The following MAGI3 variants were observed in gnomAD, a reference collection of about 807,000 sequenced individuals.
MAGI3 encodes membrane associated guanylate kinase, WW and PDZ domain containing 3, also known as membrane-associated guanylate kinase, WW and PDZ domain-containing protein 3.
In MAGI3, 43 loss-of-function variants were observed where a neutral mutation model predicts 121.8. The observed-to-expected ratio is 0.35, with a 90% CI of 0.28 to 0.46. The LOEUF is 0.46. Among genes scored for constraint, MAGI3 ranks in the 20% least tolerant of loss-of-function variants. The pLI, the probability that MAGI3 is intolerant of heterozygous loss-of-function variation, is 1.00. For missense variants in MAGI3, 1,547 were observed against 1,797.3 expected, an observed-to-expected ratio of 0.86 and a Z score of 2.52; for synonymous variants, 553 against 639.3, an observed-to-expected ratio of 0.86 and a Z score of 2.04.
intron 1 of MAGI3, among the ~76,000 whole-genome samples, chr1:113,531,414 G>A (rs1396917031): frequency 1.3e-5 from 2 of 151,992 alleles, no homozygotes; most frequent in East Asian, 3.9e-4. Flanking sequence ...CCTTGTTGTG[G>A]GCCTCAAGGG....
intron 1 of MAGI3, among the ~76,000 whole-genome samples, chr1:113,496,587 TTATC>T (rs1317216705): frequency 6.6e-6 from 1 of 152,248 alleles, no homozygotes; most frequent in Admixed American, 6.5e-5. Flanking sequence ...TCTTGTTTGT[TTATC>T]TGTTTATTGA....
chr1:113,670,003 CAAAAAAA>C (rs11302295), intron 16 of MAGI3, among the ~76,000 whole-genome samples: 1 of 85,240 alleles, frequency 1.2e-5, no homozygotes. Flanking sequence ...TCCAGGTCTC[CAAAAAAA>C]AAAAAAAAAA....
chr1:113,496,299 AATC>A (rs1284322858), intron 1 of MAGI3, among the ~76,000 whole-genome samples: 1 of 152,168 alleles, frequency 6.6e-6, no homozygotes, highest in African/African-American at 2.4e-5. Context: ...ATATAAATAG[AATC>A]ATCATGTGTT....
intron 1 of MAGI3, among the ~76,000 whole-genome samples, chr1:113,530,843 G>C (rs1391718940): frequency 1.3e-5 from 2 of 151,942 alleles, no homozygotes; most frequent in Non-Finnish European, 2.9e-5. Flanking sequence ...TTGAGCCTAG[G>C]GGGTCGAGGC....
chr1:113,424,520 A>C (rs1216056843), intron 1 of MAGI3, among the ~76,000 whole-genome samples: 1 of 152,302 alleles, frequency 6.6e-6, no homozygotes, highest in Non-Finnish European at 1.5e-5. Context: ...TTCTATTTCT[A>C]TAATTTTGTC....
intron 1 of MAGI3, among the ~76,000 whole-genome samples, chr1:113,439,086 C>T (rs1344824709): frequency 6.6e-6 from 1 of 152,068 alleles, no homozygotes; most frequent in Admixed American, 6.5e-5. Context: ...ACTGTGATAC[C>T]GTGACAGTTT....
intron 9 of MAGI3, among the ~76,000 whole-genome samples, chr1:113,634,581 T>C (rs1246115661): frequency 5.3e-5 from 8 of 152,200 alleles, no homozygotes; most frequent in East Asian, 1.9e-4. Flanking sequence ...TCTGTTCTGT[T>C]CCATTGATCT....
intron 2 of MAGI3, among the ~76,000 whole-genome samples, chr1:113,558,189 T>G (rs1207665498): frequency 6.6e-6 from 1 of 152,142 alleles, no homozygotes; most frequent in Non-Finnish European, 1.5e-5. Context: ...TCCAGCAAGG[T>G]CTCAGAACCA....
At chr1:113,427,659 T>C (rs1653079947) in intron 1 of MAGI3, among the ~76,000 whole-genome samples, 1 of 152,350 alleles carries the variant, frequency 6.6e-6, no homozygotes, top group Non-Finnish European at 1.5e-5. Context: ...TTCTTTTGGC[T>C]GTCTCTTGCA....
intron 1 of MAGI3, among the ~76,000 whole-genome samples, chr1:113,419,260 G>T (rs1490505676): frequency 6.6e-6 from 1 of 152,110 alleles, no homozygotes; most frequent in Non-Finnish European, 1.5e-5. Context: ...TCTCAATTGA[G>T]AAGTCATTTA....
intron 1 of MAGI3, among the ~76,000 whole-genome samples, chr1:113,538,330 G>GTTATTATGT (rs1659100303): frequency 2.6e-5 from 4 of 152,144 alleles, no homozygotes. Context: ...ACTAAACCCA[G>GTTATTATGT]TTATTATGTT....
chr1:113,510,148 C>T (rs538732892), intron 1 of MAGI3, among the ~76,000 whole-genome samples: 30 of 151,936 alleles, frequency 2.0e-4, no homozygotes, highest in Non-Finnish European at 3.2e-4. Flanking sequence ...TGTTGTTTTT[C>T]GTGCATAAAA....
chr1:113,561,297 G>T (rs1660224926), intron 2 of MAGI3, among the ~76,000 whole-genome samples: 2 of 152,116 alleles, frequency 1.3e-5, no homozygotes, highest in East Asian at 1.9e-4. Context: ...CCAAAACCTG[G>T]CAGAGATACA....
chr1:113,447,681 C>A (rs1201010259), intron 1 of MAGI3, among the ~76,000 whole-genome samples: 2 of 152,138 alleles, frequency 1.3e-5, no homozygotes, highest in South Asian at 2.1e-4. Flanking sequence ...TTGTGAAATC[C>A]TGTCTCTACT....
intron 9 of MAGI3, among the ~76,000 whole-genome samples, chr1:113,640,248 G>A (rs1044011534): frequency 6.6e-6 from 1 of 151,958 alleles, no homozygotes; most frequent in Non-Finnish European, 1.5e-5. Flanking sequence ...TGGCAAGGCT[G>A]TGGAGAAACA....
chr1:113,550,437 GA>G (rs1305849715), intron 2 of MAGI3, among the ~76,000 whole-genome samples: 1 of 151,128 alleles, frequency 6.6e-6, no homozygotes, highest in African/African-American at 2.4e-5. Context: ...GTAGAAAGTA[GA>G]AAAACTGGAA....
chr1:113,641,021 TAATATATATGA>T lies in MAGI3; in HGVS notation c.1361-889_1361-879del, dbSNP rs201796988. 3.1e-4 allele frequency among the ~76,000 whole-genome samples: 8 copies of T among 25,830 alleles called. 1 individual carries two copies. The highest frequency in any genetic ancestry group is 7.4e-4 in the Non-Finnish European group (8 of 10,876). The allele number at this position is 25,830 out of a possible 152,430, so 16.9% of individuals were successfully genotyped here. On this transcript the variant is annotated intron_variant, in intron 9 of 20. Coordinates refer to ENST00000307546, the MANE Select transcript of MAGI3 (RefSeq NM_001142782.2). ...TGATATATATAATATATATGATATA[TAATATATATGA>T]TATATATAATATATATGATATATTA...
At chr1:113,563,810 G>A (rs1660332630) in intron 2 of MAGI3, among the ~76,000 whole-genome samples, 1 of 152,160 alleles carries the variant, frequency 6.6e-6, no homozygotes, top group Non-Finnish European at 1.5e-5. Context: ...GATACCCCAT[G>A]CAGTTTCCTG....
At chr1:113,594,390 T>TTA (rs1557841686) in intron 5 of MAGI3, 91 bp from the exon 6 acceptor site, 8 of 672,668 alleles carry the variant, frequency 1.2e-5, no homozygotes, top group Non-Finnish European at 1.8e-5. Flanking sequence ...TGTTCAAACA[T>TTA]CATGTCTTTT....
Sources: gnomAD v4.1 joint callset for allele counts (sites outside exome capture counted in the v4.1 genomes callset) on GRCh38, gnomAD v4.1.1 for gene constraint, MANE v1.5 for transcripts, NCBI Gene and HGNC (gene_info 2026-07-23, HGNC 2026-07-21) for gene names.